Variants in LYRM9 observed in about 807,000 individuals in gnomAD.
LYRM9 encodes the protein LYR motif containing 9.
Under a neutral mutation model 12.6 loss-of-function variants are expected in LYRM9, and 14 were observed. The ratio of observed to expected loss-of-function variants is 1.11; its 90% CI spans 0.73 to 1.73. LYRM9 has a LOEUF of 1.73. LYRM9 is among the 40% of genes most tolerant of loss of function. The probability of loss-of-function intolerance (pLI) is 0.00; values close to 1 mark genes in which losing one functional copy is unlikely to be tolerated. For synonymous variants in LYRM9, 42 were observed against 35.1 expected, an observed-to-expected ratio of 1.20 and a Z score of -0.69; for missense variants, 94 against 95.0, an observed-to-expected ratio of 0.99 and a Z score of 0.04.
At position 27,882,725 on chromosome 17, in the gene LYRM9, C is replaced by T. The variant is rs1905105832; in HGVS notation, c.-18-13G>A. The stretch of plus-strand genomic sequence containing the variant: ...AGACCCTCTGTCCCTGGAAAACAAG[C>T]AGGATCACTTCCAGGGCATCAAGCC... On this transcript the variant is annotated splice_polypyrimidine_tract_variant and intron_variant, in intron 1 of 3. Transcript: ENST00000379102. 3 of 1,573,280 alleles carry T rather than the reference C, an allele frequency of 1.9e-6. No individual in the cohort carries two copies. The highest frequency in any genetic ancestry group is 2.6e-6 in the Non-Finnish European group (3 of 1,159,328).
In LYRM9 at chr17:27,882,927, A is replaced by G. The variant is rs1189582768; in HGVS notation, c.-18-215T>C. On this transcript the variant is annotated intron_variant, in intron 1 of 3. Coordinates refer to ENST00000379102, the MANE Select transcript of LYRM9 (RefSeq NM_001076680.3). ...CCCACAAGACCAAAGGTGAGTGTGG[A>G]GGGAGACTTACAGCCTCATCCCTGG... 1.2e-5 allele frequency: 8 copies of G among 653,956 alleles called. No homozygotes were observed. The East Asian group carries it at 2.5e-4, about 21-fold the overall frequency. The allele number at this position is 653,956 out of a possible 1,614,324, so 40.5% of individuals were successfully genotyped here. A position where few individuals can be genotyped will look rare whatever the true frequency, so the allele number is the denominator to read the frequency against.
intron 1 of LYRM9, among the ~76,000 whole-genome samples, chr17:27,890,385 T>C (rs909743545): frequency 4.0e-5 from 6 of 151,222 alleles, no homozygotes; most frequent in South Asian, 2.1e-4. Context: ...CCCCTGCATA[T>C]AGATGGAAAA....
Position 27,885,926 on chromosome 17 carries a change from G to C in LYRM9, c.-18-3214C>G, listed in dbSNP as rs116206181. On this transcript the variant is annotated intron_variant, in intron 1 of 3. Coordinates refer to ENST00000379102, the MANE Select transcript of LYRM9 (RefSeq NM_001076680.3). ...ATCTGATGACTCCAGCTGTAAGGCA[G>C]AGTCGGACAGGACAGGGCTTCTCAA... Among the ~76,000 whole-genome samples, 585 of 152,126 alleles carry C rather than the reference G, an allele frequency of 3.8e-3. 8 individuals carry two copies. The highest frequency in any genetic ancestry group is 0.013 in the African/African-American group (557 of 41,494).
At chr17:27,885,677 A>T (rs1226858506) in intron 1 of LYRM9, among the ~76,000 whole-genome samples, 1 of 138,992 alleles carries the variant, frequency 7.2e-6, no homozygotes, top group Admixed American at 7.3e-5. Flanking sequence ...CTCAGCCCGG[A>T]TGACACAAAG....
intron 1 of LYRM9, among the ~76,000 whole-genome samples, chr17:27,885,833 G>A (rs1414108363): frequency 6.6e-6 from 1 of 151,284 alleles, no homozygotes; most frequent in Non-Finnish European, 1.5e-5. Flanking sequence ...GCTGGGGTTT[G>A]TTTTGTCACT....
intron 1 of LYRM9, chr17:27,892,451 A>C (rs752361448): frequency 2.2e-6 from 1 of 454,390 alleles, no homozygotes; most frequent in Non-Finnish European, 4.4e-6. Flanking sequence ...AAGTTACCAG[A>C]GGAAACTAAA....
At position 27,882,247 on chromosome 17, in the gene LYRM9, G is replaced by A. The variant is rs148225568; in HGVS notation, c.126+322C>T. ...GCCTCTCGATTTGGTTTTACCTGAT[G>A]TTTTCTCAGGATTAAATTCAAGTTG... On this transcript the variant is annotated intron_variant, in intron 2 of 3. Coordinates refer to ENST00000379102, the MANE Select transcript of LYRM9 (RefSeq NM_001076680.3). 4.9e-3 allele frequency among the ~76,000 whole-genome samples: 743 copies of A among 152,294 alleles called. 6 individuals carry two copies. Among genetic ancestry groups the A allele is most frequent in the Non-Finnish European group, 5.4e-3 (368 of 68,014 alleles).
chr17:27,884,956 T>C (rs957395660), intron 1 of LYRM9, among the ~76,000 whole-genome samples: 2 of 152,112 alleles, frequency 1.3e-5, no homozygotes, highest in Non-Finnish European at 2.9e-5. Context: ...TCCATTTACA[T>C]CCCATTATCT....
chr17:27,884,190 T>C (rs546591475), intron 1 of LYRM9, among the ~76,000 whole-genome samples: 2 of 152,354 alleles, frequency 1.3e-5, no homozygotes, highest in African/African-American at 4.8e-5. Context: ...AACTCTAGCT[T>C]AACCTCTTCT....
chr17:27,889,404 T>C (rs925968524), intron 1 of LYRM9, among the ~76,000 whole-genome samples: 5 of 151,314 alleles, frequency 3.3e-5, no homozygotes, highest in African/African-American at 9.7e-5. Flanking sequence ...GCCTCCCGGG[T>C]TCAAGCAATT....
intron 1 of LYRM9, among the ~76,000 whole-genome samples, chr17:27,885,115 G>A (rs1217121260): frequency 6.6e-6 from 1 of 152,118 alleles, no homozygotes; most frequent in Non-Finnish European, 1.5e-5. Flanking sequence ...TGTGTGATCT[G>A]GGGTGCACCC....
In LYRM9 at chr17:27,879,000, G is replaced by C. The variant is rs1284304816; in HGVS notation, c.*473C>G. ...CCTTGAAGGGAGCCCTTCAGGCACT[G>C]TCATGTGCCACATCCTGTGTGAGGC... On this transcript the variant is annotated 3_prime_UTR_variant, in exon 4 of 4. Transcript: ENST00000379102. The C allele has an allele frequency of 6.3e-6, 1 of 158,780 alleles. No individual in the cohort carries two copies. The highest frequency in any genetic ancestry group is 1.9e-4 in the East Asian group (1 of 5,262). The allele number at this position is 158,780 out of a possible 1,614,324, so 9.8% of individuals were successfully genotyped here.
intron 1 of LYRM9, chr17:27,883,039 G>C (rs888262105): frequency 6.2e-6 from 3 of 484,858 alleles, no homozygotes; most frequent in Admixed American, 4.7e-5. Flanking sequence ...GGAAGACCCT[G>C]AGGGGCAATC....
intron 1 of LYRM9, among the ~76,000 whole-genome samples, chr17:27,890,675 A>G (rs556977288): frequency 6.6e-6 from 1 of 152,326 alleles, no homozygotes; most frequent in African/African-American, 2.4e-5. Flanking sequence ...AATAAGTGGG[A>G]AAAAGTCATA....
rs1905220829 is a variant in LYRM9, at chr17:27,886,003, A to G, written c.-18-3291T>C. 6.6e-6 allele frequency among the ~76,000 whole-genome samples: 1 copy of G among 152,146 alleles called. No homozygotes were observed. The highest frequency in any genetic ancestry group is 2.1e-4 in the South Asian group (1 of 4,824). ...TGCCAGTCCGACTCACCACCCAGAAATCAGAGGGGAACCCGTTCAAGGGTG... is the reference window on the plus strand; with the variant it reads ...TGCCAGTCCGACTCACCACCCAGAAGTCAGAGGGGAACCCGTTCAAGGGTG... On this transcript the variant is annotated intron_variant, in intron 1 of 3. Coordinates refer to ENST00000379102, the MANE Select transcript of LYRM9 (RefSeq NM_001076680.3). This position sits in a 1 kb window ranked among gnomAD's most constrained non-coding sequence, Gnocchi z 4.8.
At chr17:27,888,722 T>C (rs150140484) in intron 1 of LYRM9, among the ~76,000 whole-genome samples, 2 of 152,306 alleles carry the variant, frequency 1.3e-5, no homozygotes, top group Non-Finnish European at 2.9e-5. Flanking sequence ...TTAACTTCCA[T>C]ATATTTGGAA....
intron 1 of LYRM9, among the ~76,000 whole-genome samples, chr17:27,884,792 A>T (rs1905180097): frequency 6.6e-6 from 1 of 151,416 alleles, no homozygotes; most frequent in Non-Finnish European, 1.5e-5. Flanking sequence ...GCTAAAAGAG[A>T]TCTAGTGACT....
chr17:27,883,649 CAAA>C (rs747279385), intron 1 of LYRM9, among the ~76,000 whole-genome samples: 9 of 92,632 alleles, frequency 9.7e-5, no homozygotes, highest in Non-Finnish European at 1.1e-4. Flanking sequence ...GACTCCAACT[CAAA>C]AAAAAAAAAA....
chr17:27,880,082 T>C (rs1451454254), intron 3 of LYRM9, 192 bp downstream of exon 3: 5 of 703,526 alleles, frequency 7.1e-6, no homozygotes, highest in African/African-American at 3.5e-5. Context: ...CCTCCCCACT[T>C]GCAGAATATA....
Sources: allele counts gnomAD v4.1 joint callset (sites outside exome capture counted in the v4.1 genomes callset), GRCh38; gene constraint gnomAD v4.1.1; non-coding constraint Gnocchi (gnomAD v3.1); transcripts MANE v1.5; gene names NCBI Gene and HGNC (gene_info 2026-07-23, HGNC 2026-07-21).